Variants in DIAPH2 observed in about 807,000 individuals in gnomAD.
DIAPH2 encodes the protein diaphanous related formin 2.
DIAPH2 carries 35 observed loss-of-function variants against 92.7 expected under a neutral mutation model. The ratio of observed to expected loss-of-function variants is 0.38; its 90% CI spans 0.29 to 0.50. The LOEUF (loss-of-function observed/expected upper bound fraction) is 0.50. Ranked by LOEUF, DIAPH2 falls within the 20% of genes least tolerant of loss-of-function variation. The pLI, the probability that DIAPH2 is intolerant of heterozygous loss-of-function variation, is 0.94. For missense variants in DIAPH2, 701 were observed against 819.5 expected (o/e 0.86, Z 1.77); for synonymous variants, 301 against 280.4 (o/e 1.07, Z -0.73).
intron 10 of DIAPH2, among the ~76,000 whole-genome samples, chrX:96,935,645 T>C: frequency 9.0e-6 from 1 of 111,443 alleles, no homozygotes; most frequent in East Asian, 2.8e-4. Context: ...AATTTTATAT[T>C]GTGCTATATG....
chrX:96,707,608 A>G (rs768424119), intron 1 of DIAPH2, among the ~76,000 whole-genome samples: 7 of 109,316 alleles, frequency 6.4e-5, no homozygotes, highest in African/African-American at 2.3e-4. Context: ...AGATCACGCC[A>G]TTGCACTCCA....
intron 25 of DIAPH2, among the ~76,000 whole-genome samples, chrX:97,428,101 A>AT (rs374396983): frequency 0.015 from 1,561 of 104,682 alleles, 22 homozygotes; most frequent in African/African-American, 0.045. Context: ...GTTTCTCTTC[A>AT]TTTTTTTTTT....
In DIAPH2 at chrX:97,077,573, T is replaced by C. The variant is rs751933205; in HGVS notation, c.2247+2312T>C. Among the ~76,000 whole-genome samples the C allele has an allele frequency of 6.2e-5, 7 of 112,001 alleles. No homozygotes were observed. The South Asian group carries it at 2.6e-3, about 42-fold the overall frequency. Reference sequence around the variant, plus strand: ...TTAAGGATACATCACTTCCCAGAACTTGAATTAACAGTAGTAGTATTTTCT... The same window carrying C: ...TTAAGGATACATCACTTCCCAGAACCTGAATTAACAGTAGTAGTATTTTCT... On this transcript the variant is annotated intron_variant, in intron 19 of 26. Transcript: ENST00000324765.
chrX:97,444,407 T>C (rs543877508), intron 26 of DIAPH2, among the ~76,000 whole-genome samples: 26 of 111,773 alleles, frequency 2.3e-4, no homozygotes, highest in Middle Eastern at 9.3e-3. Flanking sequence ...ATGATTTTCA[T>C]ATAGTTCTTT....
chrX:97,031,360 G>T (rs2066373296), intron 17 of DIAPH2, among the ~76,000 whole-genome samples: 1 of 97,555 alleles, frequency 1.0e-5, no homozygotes, highest in South Asian at 6.5e-4. Flanking sequence ...GAGGGGGGGG[G>T]ACATCCTAAA....
At chrX:97,367,529 G>A (rs966693350) in intron 24 of DIAPH2, among the ~76,000 whole-genome samples, 2 of 111,095 alleles carry the variant, frequency 1.8e-5, no homozygotes, top group African/African-American at 3.3e-5. Flanking sequence ...TATTTTTACA[G>A]ACCAACTCTC....
intron 23 of DIAPH2, among the ~76,000 whole-genome samples, chrX:97,252,926 C>G (rs961324304): frequency 9.0e-6 from 1 of 110,862 alleles, no homozygotes; most frequent in African/African-American, 3.3e-5. Flanking sequence ...GAGGAGGGTA[C>G]AGGATTTAAA....
chrX:97,428,034 A>G (rs1602583199), intron 25 of DIAPH2, among the ~76,000 whole-genome samples: 1 of 110,622 alleles, frequency 9.0e-6, no homozygotes, highest in African/African-American at 3.3e-5. Flanking sequence ...TGTTTACTCA[A>G]TGGGCTCTAC....
At chrX:97,439,415 A>G (rs753120025) in intron 26 of DIAPH2, among the ~76,000 whole-genome samples, 1 of 110,713 alleles carries the variant, frequency 9.0e-6, no homozygotes, top group East Asian at 2.9e-4. Flanking sequence ...TCTACTAAAA[A>G]TACAAAAATT....
chrX:96,799,126 C>T (rs779928415), intron 4 of DIAPH2, among the ~76,000 whole-genome samples: 1 of 109,600 alleles, frequency 9.1e-6, no homozygotes, highest in Non-Finnish European at 1.9e-5. Context: ...CTGCCACTGC[C>T]TTCCTGATCT....
chrX:96,939,755 C>T (rs1196140602), intron 12 of DIAPH2, among the ~76,000 whole-genome samples: 1 of 66,347 alleles, frequency 1.5e-5, no homozygotes, highest in African/African-American at 7.3e-5. Flanking sequence ...AGCTCCGCCT[C>T]CCGGGTTCAC....
chrX:96,685,253 A>G, intron 1 of DIAPH2, 63 bp downstream of exon 1: 1 of 963,412 alleles, frequency 1.0e-6, no homozygotes, highest in South Asian at 5.4e-5. Flanking sequence ...TCCTCCTGCC[A>G]TTGAACACGG....
intron 26 of DIAPH2, among the ~76,000 whole-genome samples, chrX:97,528,026 G>A (rs1016855612): frequency 9.0e-6 from 1 of 111,505 alleles, no homozygotes; most frequent in African/African-American, 3.3e-5. Context: ...TTTGAGAAGA[G>A]GGGGCTTATA....
At chrX:97,207,988 C>T (rs989482479) in intron 22 of DIAPH2, among the ~76,000 whole-genome samples, 1 of 110,804 alleles carries the variant, frequency 9.0e-6, no homozygotes, top group Non-Finnish European at 1.9e-5. Context: ...CCTGTCTCTA[C>T]TAAAAATAGA....
intron 24 of DIAPH2, among the ~76,000 whole-genome samples, chrX:97,357,616 C>A (rs990746081): frequency 1.1e-4 from 12 of 111,214 alleles, no homozygotes; most frequent in Non-Finnish European, 1.9e-4. Context: ...TATCTCCATA[C>A]CCTCGTGATT....
chrX:97,363,548 C>T (rs990227727), intron 24 of DIAPH2, among the ~76,000 whole-genome samples: 2 of 106,335 alleles, frequency 1.9e-5, no homozygotes, highest in East Asian at 5.9e-4. Context: ...CACCTGTAAT[C>T]CCAGCTATTT....
chrX:97,326,542 GA>G (rs1306223912), intron 23 of DIAPH2, among the ~76,000 whole-genome samples: 2 of 111,778 alleles, frequency 1.8e-5, no homozygotes, highest in Non-Finnish European at 3.8e-5. Context: ...TAGCTGCTAT[GA>G]AAATTATAAT....
chrX:97,421,433 G>A (rs2070007155), intron 25 of DIAPH2, among the ~76,000 whole-genome samples: 1 of 111,354 alleles, frequency 9.0e-6, no homozygotes, highest in Admixed American at 9.6e-5. Flanking sequence ...CTTGCAGCAC[G>A]TTCTTAATCT....
intron 23 of DIAPH2, among the ~76,000 whole-genome samples, chrX:97,257,329 C>T (rs1284654012): frequency 9.0e-6 from 1 of 111,062 alleles, no homozygotes; most frequent in African/African-American, 3.3e-5. Flanking sequence ...TTAAAAAGGC[C>T]GTGTGGACAA....
Sources: allele counts gnomAD v4.1 joint callset (sites outside exome capture counted in the v4.1 genomes callset), GRCh38; gene constraint gnomAD v4.1.1; transcripts MANE v1.5; gene names NCBI Gene and HGNC (gene_info 2026-07-23, HGNC 2026-07-21).